Variants in SV2C observed in about 807,000 individuals in gnomAD.
SV2C encodes synaptic vesicle glycoprotein 2C, also known as solute carrier family 22 member B3.
A neutral mutation model predicts 79.7 loss-of-function variants in SV2C; 49 were observed. The ratio of observed to expected loss-of-function variants is 0.61; its 90% CI spans 0.49 to 0.78. The LOEUF is 0.78. SV2C is among the 30% of genes least tolerant of loss of function. The pLI, the probability that SV2C is intolerant of heterozygous loss-of-function variation, is 0.00. For missense variants in SV2C, 833 were observed against 912.9 expected, an observed-to-expected ratio of 0.91 and a Z score of 1.13; for synonymous variants, 334 against 333.2, an observed-to-expected ratio of 1.00 and a Z score of -0.03.
chr5:76,086,150 TCCTATTCATTATTAA>T (rs1747189329), intron 1 of SV2C, among the ~76,000 whole-genome samples: 1 of 152,192 alleles, frequency 6.6e-6, no homozygotes, highest in Non-Finnish European at 1.5e-5. Flanking sequence ...GTAGTAAAAC[TCCTATTCATTATTAA>T]CCCTATCATA....
At chr5:76,104,618 CT>C (rs1439023553) in intron 1 of SV2C, among the ~76,000 whole-genome samples, 6 of 152,128 alleles carry the variant, frequency 3.9e-5, no homozygotes, top group Admixed American at 3.3e-4. Flanking sequence ...TAGTTAATCA[CT>C]TCCTTCTTGT....
At chr5:76,141,937 A>G (rs1328819783) in intron 2 of SV2C, among the ~76,000 whole-genome samples, 3 of 152,098 alleles carry the variant, frequency 2.0e-5, no homozygotes, top group Admixed American at 6.6e-5. Flanking sequence ...ATAATAATAC[A>G]GACTCATAGG....
chr5:76,083,543 G>A (rs1029065850), intron 1 of SV2C, 31 bp downstream of exon 1: 2 of 152,388 alleles, frequency 1.3e-5, no homozygotes, highest in African/African-American at 4.8e-5. Flanking sequence ...GGGCATCCGC[G>A]GGGAGACTTT....
chr5:76,315,672 T>TTAAAC (rs1476733716), intron 12 of SV2C, among the ~76,000 whole-genome samples: 1 of 151,932 alleles, frequency 6.6e-6, no homozygotes, highest in Non-Finnish European at 1.5e-5. Context: ...TGAGTAACAG[T>TTAAAC]TGGAAGAGAA....
chr5:76,221,191 CTTGAAAGG>C (rs1287609741), intron 4 of SV2C, among the ~76,000 whole-genome samples: 1 of 152,154 alleles, frequency 6.6e-6, no homozygotes, highest in Non-Finnish European at 1.5e-5. Context: ...ACAGGAATTT[CTTGAAAGG>C]CTATTGGATA....
chr5:75,966,000 C>T, the SV2C span, among the ~76,000 whole-genome samples: 1 of 152,210 alleles, frequency 6.6e-6, no homozygotes, highest in African/African-American at 2.4e-5. Flanking sequence ...TCTTGAGCTT[C>T]TGCACAAAGT....
the SV2C span, among the ~76,000 whole-genome samples, chr5:76,037,977 A>G: frequency 6.6e-6 from 1 of 152,202 alleles, no homozygotes; most frequent in Admixed American, 6.5e-5. Context: ...GGAAAAGCGC[A>G]GTATTAGGGT....
At chr5:76,272,966 CTT>C (rs1746917548) in intron 4 of SV2C, among the ~76,000 whole-genome samples, 1 of 151,760 alleles carries the variant, frequency 6.6e-6, no homozygotes, top group African/African-American at 2.4e-5. Context: ...GAGAAGGAAA[CTT>C]AATGTGTGCC....
intron 2 of SV2C, among the ~76,000 whole-genome samples, chr5:76,147,640 G>A (rs1159641806): frequency 6.6e-6 from 1 of 152,210 alleles, no homozygotes; most frequent in African/African-American, 2.4e-5. Context: ...TTGGAAATCA[G>A]AGGGGAACAA....
At chr5:76,335,740 A>G (rs1580085423), downstream of SV2C, among the ~76,000 whole-genome samples, 1 of 152,212 alleles carries the variant, frequency 6.6e-6, no homozygotes, top group African/African-American at 2.4e-5. Context: ...GGTTGGGGGT[A>G]GGGTCACAGA....
chr5:75,883,857 A>C, the SV2C span, among the ~76,000 whole-genome samples: 2 of 123,572 alleles, frequency 1.6e-5, no homozygotes, highest in African/African-American at 5.1e-5. Context: ...AAAAAAAACA[A>C]AAAAAAAACA....
the SV2C span, among the ~76,000 whole-genome samples, chr5:75,883,513 A>AATG: frequency 6.9e-6 from 1 of 145,884 alleles, no homozygotes; most frequent in African/African-American, 2.7e-5. Flanking sequence ...CAGCCATAAA[A>AATG]ATGATGAGTT....
upstream of SV2C, among the ~76,000 whole-genome samples, chr5:76,082,669 A>G (rs1747034860): frequency 7.3e-6 from 1 of 136,120 alleles, no homozygotes; most frequent in African/African-American, 2.9e-5. Context: ...TTTCCCCTCT[A>G]AGGGGCCACT....
the SV2C span, among the ~76,000 whole-genome samples, chr5:75,908,607 G>A: frequency 2.6e-5 from 4 of 152,176 alleles, no homozygotes; most frequent in African/African-American, 9.7e-5. Flanking sequence ...GGGGAGAGAC[G>A]TCTTTCACTT....
the SV2C span, among the ~76,000 whole-genome samples, chr5:75,990,035 C>A: frequency 1.2e-3 from 177 of 150,792 alleles, no homozygotes; most frequent in African/African-American, 3.5e-3. Context: ...GAATATCAGG[C>A]CTTTGTCAGG....
the SV2C span, among the ~76,000 whole-genome samples, chr5:76,068,772 A>G: frequency 2.0e-5 from 3 of 152,230 alleles, no homozygotes; most frequent in Non-Finnish European, 2.9e-5. Flanking sequence ...AACTATTTGC[A>G]TATATGTATC....
the SV2C span, among the ~76,000 whole-genome samples, chr5:76,030,226 A>G: frequency 6.9e-6 from 1 of 144,904 alleles, no homozygotes; most frequent in Non-Finnish European, 1.5e-5. Flanking sequence ...GTTTGGTTTA[A>G]TAATTTTCCT....
At chr5:75,986,487 T>C in the SV2C span, among the ~76,000 whole-genome samples, 144 of 152,028 alleles carry the variant, frequency 9.5e-4, 3 homozygotes, top group East Asian at 0.023. Flanking sequence ...CCTGCCAATA[T>C]CTTGACATTA....
At chr5:75,923,867 A>G in the SV2C span, among the ~76,000 whole-genome samples, 23 of 152,320 alleles carry the variant, frequency 1.5e-4, no homozygotes, top group East Asian at 1.9e-3. Context: ...TTAAAGAACT[A>G]AAAGTAGATC....
Sources: allele counts gnomAD v4.1 joint callset (sites outside exome capture counted in the v4.1 genomes callset), GRCh38; gene constraint gnomAD v4.1.1; transcripts MANE v1.5; gene names NCBI Gene and HGNC (gene_info 2026-07-23, HGNC 2026-07-21).